ATRN: variants seen among roughly 807,000 people sequenced by gnomAD.
ATRN encodes attractin.
In ATRN, 54 loss-of-function variants were observed where a neutral mutation model predicts 178.7. The observed-to-expected ratio is 0.30, with a 90% CI of 0.24 to 0.38. The LOEUF (loss-of-function observed/expected upper bound fraction) is 0.38. ATRN is among the 10% of genes least tolerant of loss of function. The pLI is 1.00. For missense variants in ATRN, 1,443 were observed against 1,815.1 expected, an observed-to-expected ratio of 0.79 and a Z score of 3.73; for synonymous variants, 636 against 663.0, an observed-to-expected ratio of 0.96 and a Z score of 0.63.
intron 24 of ATRN, among the ~76,000 whole-genome samples, chr20:3,622,111 G>T (rs557604485): frequency 6.6e-6 from 1 of 152,332 alleles, no homozygotes; most frequent in Admixed American, 6.5e-5. Flanking sequence ...AGAGATGGGG[G>T]TGTGGCTTCA....
chr20:3,493,946 T>G (rs2084842805), intron 1 of ATRN, among the ~76,000 whole-genome samples: 1 of 152,194 alleles, frequency 6.6e-6, no homozygotes, highest in Admixed American at 6.5e-5. Flanking sequence ...CTATGATGTT[T>G]TAGGCACTGG....
At chr20:3,629,033 C>T (rs1212721506) in intron 25 of ATRN, 1 of 985,318 alleles carries the variant, frequency 1.0e-6, no homozygotes, top group Non-Finnish European at 1.2e-6. Flanking sequence ...TAACTGGCAA[C>T]ATGGCTCTGC....
intron 28 of ATRN, among the ~76,000 whole-genome samples, chr20:3,644,904 T>C (rs937787663): frequency 4.6e-5 from 7 of 152,200 alleles, no homozygotes; most frequent in Admixed American, 2.0e-4. Context: ...GTTGAAATGA[T>C]TGTATAGATC....
intron 24 of ATRN, among the ~76,000 whole-genome samples, chr20:3,611,960 T>A (rs1224381976): frequency 6.6e-6 from 1 of 152,232 alleles, no homozygotes; most frequent in Non-Finnish European, 1.5e-5. Context: ...ATGTTATACT[T>A]ATCATATAAC....
chr20:3,531,820 AC>A (rs1405259218), intron 1 of ATRN, among the ~76,000 whole-genome samples: 1 of 151,016 alleles, frequency 6.6e-6, no homozygotes, highest in Non-Finnish European at 1.5e-5. Flanking sequence ...AACAACAACA[AC>A]AAGATTCGTC....
At position 3,638,688 on chromosome 20, in the gene ATRN, T is replaced by C; in HGVS notation, c.3943-140T>C. On this transcript the variant is annotated intron_variant, in intron 26 of 28. Coordinates refer to ENST00000262919, the MANE Select transcript of ATRN (RefSeq NM_139321.3). The surrounding 1 kb of genome is among the most constrained non-coding windows in gnomAD (Gnocchi z 4.5). ...AAATTTAGTAATCCCTAATGTTATC[T>C]AATATCAAGTCTAAAAAGTATCATT... 1 of 666,612 alleles carries C rather than the reference T, an allele frequency of 1.5e-6. No individual in the cohort carries two copies. The highest frequency in any genetic ancestry group is 2.5e-6 in the Non-Finnish European group (1 of 395,642). The allele number at this position is 666,612 out of a possible 1,614,324, so 41.3% of individuals were successfully genotyped here.
At chr20:3,501,845 A>G (rs1042895501) in intron 1 of ATRN, among the ~76,000 whole-genome samples, 1 of 152,188 alleles carries the variant, frequency 6.6e-6, no homozygotes, top group Non-Finnish European at 1.5e-5. Flanking sequence ...CGGGGGACAC[A>G]GTTGGATTTC....
At chr20:3,471,854 A>G (rs1193800774) in intron 1 of ATRN, among the ~76,000 whole-genome samples, 1 of 152,330 alleles carries the variant, frequency 6.6e-6, no homozygotes, top group East Asian at 1.9e-4. Flanking sequence ...CGAGGTATCC[A>G]AGGAAAGGTG....
chr20:3,489,781 G>T (rs1456041546), intron 1 of ATRN: 2 of 1,336,020 alleles, frequency 1.5e-6, no homozygotes, highest in Non-Finnish European at 2.2e-6. Flanking sequence ...AAGGCTTTGC[G>T]CCCTTGGTAG....
At chr20:3,634,602 CCA>C (rs2087012405) in intron 26 of ATRN, among the ~76,000 whole-genome samples, 1 of 152,160 alleles carries the variant, frequency 6.6e-6, no homozygotes, top group African/African-American at 2.4e-5. Context: ...TAGTTCTGCA[CCA>C]CAGTGTCTTA....
In ATRN at chr20:3,646,739, C is replaced by T. The variant is rs759429881; in HGVS notation, c.4182C>T (p.Ser1394=). 1.8e-5 allele frequency: 29 copies of T among 1,602,722 alleles called. No homozygotes were observed. The highest frequency in any genetic ancestry group is 5.6e-5 in the South Asian group (5 of 89,050). The change falls in exon 29 of 29, where the codon AGC becomes AGT. Residue 1394 remains serine (S), a synonymous_variant. Transcript: ENST00000262919. ...PPGQSGLAVA[S]ALVDISQQMP... ...TCTCCCAAGGTCTTGCTGTGGCCAG[C>T]GCCCTGGTGGACATTTCTCAGCAGA...
At chr20:3,643,507 T>A (rs200716934) in intron 27 of ATRN, among the ~76,000 whole-genome samples, 91 of 144,228 alleles carry the variant, frequency 6.3e-4, no homozygotes, top group African/African-American at 2.2e-3. Flanking sequence ...TTCTATTCTT[T>A]AAAAAAAAAA....
chr20:3,641,590 C>CA (rs61692220), intron 27 of ATRN, among the ~76,000 whole-genome samples: 1,381 of 47,104 alleles, frequency 0.029, 30 homozygotes, highest in Non-Finnish European at 0.034. Context: ...GACTCTGTCG[C>CA]AAAAAAAAAA....
intron 1 of ATRN, among the ~76,000 whole-genome samples, chr20:3,499,405 T>TA (rs1328708727): frequency 7.1e-6 from 1 of 140,932 alleles, no homozygotes; most frequent in Admixed American, 7.1e-5. Flanking sequence ...AACAAAGCTG[T>TA]AGGCATCACA....
In ATRN at chr20:3,471,430, G is replaced by A; in HGVS notation, c.323G>A (p.Gly108Asp). ...GAATGTGACCGGCCCTGTGTCAACGGCGGTCGCTGCAACCCTGGCACCGGC... is the reference window on the plus strand; with the variant it reads ...GAATGTGACCGGCCCTGTGTCAACGACGGTCGCTGCAACCCTGGCACCGGC... ...AKECDRPCVN[G>D]GRCNPGTGQC... The change falls in exon 1 of 29, where the codon GGC becomes GAC. Residue 108 changes from glycine (G) to aspartate (D), a missense_variant. Around this residue, in one of 4 missense-constraint regions of ATRN, gnomAD observed 862 missense variants for 972.1 expected, o/e 0.89. Coordinates refer to ENST00000262919, the MANE Select transcript of ATRN (RefSeq NM_139321.3). 6.8e-7 allele frequency: 1 copy of A among 1,469,172 alleles called. No homozygotes were observed. The highest frequency in any genetic ancestry group is 8.9e-7 in the Non-Finnish European group (1 of 1,118,458). 91.0% of individuals were successfully genotyped at this position (1,469,172 alleles called of 1,614,324 possible).
chr20:3,520,324 G>A (rs238707), intron 1 of ATRN, among the ~76,000 whole-genome samples: 2,816 of 152,172 alleles, frequency 0.019, 79 homozygotes, highest in African/African-American at 0.052. Context: ...AAAGGAGTGG[G>A]TAAGTGTGGA....
intron 25 of ATRN, chr20:3,628,934 T>C (rs935968113): frequency 1.0e-6 from 1 of 985,272 alleles, no homozygotes; most frequent in African/African-American, 1.7e-5. Context: ...CTCTGTGTTC[T>C]CTGACTGGAC....
At position 3,471,057 on chromosome 20, in the gene ATRN, C is replaced by T. The variant is rs548729655; in HGVS notation, c.-51C>T. On this transcript the variant is annotated 5_prime_UTR_variant, in exon 1 of 29. Transcript: ENST00000262919. ...CACGGCCAGGCGAAGCGGAGCCGGC[C>T]GTGCGGTGTGTGTGTATGTGTTCGC... The T allele has an allele frequency of 4.5e-5, 66 of 1,463,630 alleles. No homozygotes were observed. Among genetic ancestry groups the T allele is most frequent in the Middle Eastern group, 2.4e-4 (1 of 4,170 alleles). 90.7% of individuals were successfully genotyped at this position (1,463,630 alleles called of 1,614,324 possible).
intron 2 of ATRN, among the ~76,000 whole-genome samples, 183 bp from the exon 3 acceptor site, chr20:3,540,039 A>G (rs2085596072): frequency 1.3e-5 from 2 of 152,232 alleles, no homozygotes; most frequent in Admixed American, 1.3e-4. Context: ...TTCCCATTGC[A>G]TGTTTAGTAG....
Sources: gnomAD v4.1 joint callset for allele counts (sites outside exome capture counted in the v4.1 genomes callset) on GRCh38, gnomAD v4.1.1 for gene constraint, gnomAD v4.1.1 regional missense constraint, Gnocchi (gnomAD v3.1) non-coding constraint, MANE v1.5 for transcripts, NCBI Gene and HGNC (gene_info 2026-07-23, HGNC 2026-07-21) for gene names.